The following SPATA31H1 variants were observed in gnomAD, a reference collection of about 807,000 sequenced individuals.
SPATA31H1 encodes SPATA31 subfamily H member 1.
chr2:27,571,929 G>A, the SPATA31H1 span: 3 of 398,474 alleles, frequency 7.5e-6, no homozygotes, highest in Non-Finnish European at 1.3e-5. Context: ...GGCACCTGTG[G>A]ATTTAACCCT....
the SPATA31H1 span, chr2:27,566,933 A>G: frequency 1.1e-5 from 8 of 717,442 alleles, no homozygotes; most frequent in Non-Finnish European, 2.6e-6. Context: ...TTTCTGAAGG[A>G]ACAACTTGGG....
At chr2:27,567,093 C>G in the SPATA31H1 span, 1 of 713,984 alleles carries the variant, frequency 1.4e-6, no homozygotes. Flanking sequence ...CTTACAACCT[C>G]AGAGCTCTTT....
chr2:27,565,069 G>T, the SPATA31H1 span, among the ~76,000 whole-genome samples: 1 of 151,994 alleles, frequency 6.6e-6, no homozygotes, highest in African/African-American at 2.4e-5. Flanking sequence ...TAAAAGTCTT[G>T]TGCTGATTCT....
chr2:27,571,136 G>GA, the SPATA31H1 span: 1 of 398,458 alleles, frequency 2.5e-6, no homozygotes, highest in Non-Finnish European at 4.4e-6. Context: ...TGGGAGATGT[G>GA]AAAACTATGC....
the SPATA31H1 span, chr2:27,573,914 T>C: frequency 2.5e-6 from 1 of 398,420 alleles, no homozygotes; most frequent in African/African-American, 2.1e-5. Context: ...AGACAGAACT[T>C]CCAGGTATGA....
chr2:27,541,705 TTCA>T, the SPATA31H1 span, among the ~76,000 whole-genome samples: 1 of 152,016 alleles, frequency 6.6e-6, no homozygotes, highest in South Asian at 2.1e-4. Flanking sequence ...TGTGGAGATA[TTCA>T]TCAAGCAGCT....
chr2:27,553,690 G>C, the SPATA31H1 span, among the ~76,000 whole-genome samples: 6 of 152,168 alleles, frequency 3.9e-5, no homozygotes, highest in Middle Eastern at 3.4e-3. Context: ...GGGAGGCTGA[G>C]GCAGGCAGAT....
chr2:27,553,507 G>C, the SPATA31H1 span, among the ~76,000 whole-genome samples: 1 of 152,060 alleles, frequency 6.6e-6, no homozygotes, highest in African/African-American at 2.4e-5. Context: ...AAAAGGGATA[G>C]GCTGAAAACT....
chr2:27,556,097 A>T, the SPATA31H1 span, among the ~76,000 whole-genome samples: 2 of 144,056 alleles, frequency 1.4e-5, no homozygotes, highest in African/African-American at 5.3e-5. Flanking sequence ...GCGCCACTGC[A>T]CTCCAGCATG....
the SPATA31H1 span, among the ~76,000 whole-genome samples, chr2:27,543,726 T>C: frequency 1.3e-5 from 2 of 151,852 alleles, no homozygotes; most frequent in Non-Finnish European, 2.9e-5. Flanking sequence ...AACCCCTCTC[T>C]ACCAGTCTCA....
the SPATA31H1 span, chr2:27,581,964 C>T: frequency 3.1e-6 from 5 of 1,613,818 alleles, no homozygotes; most frequent in South Asian, 5.5e-5. Flanking sequence ...TGAGAGAAGC[C>T]ATCACAGTCC....
At chr2:27,577,228 A>C in the SPATA31H1 span, 1 of 1,614,022 alleles carries the variant, frequency 6.2e-7, no homozygotes, top group Non-Finnish European at 8.5e-7. The surrounding 1 kb of genome is among the most constrained non-coding windows in gnomAD (Gnocchi z 4.5). Context: ...CAAGGCTCAA[A>C]ATTCTTAGGA....
the SPATA31H1 span, chr2:27,568,289 TACGGAA>T: frequency 5.0e-6 from 2 of 398,820 alleles, no homozygotes; most frequent in Non-Finnish European, 8.8e-6. Flanking sequence ...AACATGCAGT[TACGGAA>T]ACTGTGGAAA....
the SPATA31H1 span, chr2:27,565,279 T>TA: frequency 1.4e-6 from 1 of 707,124 alleles, no homozygotes. Context: ...GTGCTGTCAA[T>TA]AAAGTCTCTA....
At chr2:27,574,701 C>G in the SPATA31H1 span, 1 of 398,456 alleles carries the variant, frequency 2.5e-6, no homozygotes. Context: ...CCACCATGGT[C>G]TAAAGTTACA....
At chr2:27,578,122 C>T in the SPATA31H1 span, 1 of 1,614,104 alleles carries the variant, frequency 6.2e-7, no homozygotes. Context: ...AAAGTGACCC[C>T]TGGACCACCA....
the SPATA31H1 span, among the ~76,000 whole-genome samples, chr2:27,549,072 C>CAAAAA: frequency 5.1e-3 from 255 of 49,808 alleles, no homozygotes; most frequent in East Asian, 8.1e-3. Context: ...GACTCCGTCT[C>CAAAAA]AAAAAAAAAA....
At chr2:27,570,750 G>C in the SPATA31H1 span, 1 of 398,992 alleles carries the variant, frequency 2.5e-6, no homozygotes, top group East Asian at 3.6e-5. Context: ...GCCAGAGGGG[G>C]AAGGGGTTAA....
At chr2:27,578,462 T>C in the SPATA31H1 span, 1 of 1,614,066 alleles carries the variant, frequency 6.2e-7, no homozygotes, top group Non-Finnish European at 8.5e-7. Flanking sequence ...AAGCAATAAA[T>C]TGTGTGGATT....
Sources: allele counts gnomAD v4.1 joint callset (sites outside exome capture counted in the v4.1 genomes callset), GRCh38; gene constraint gnomAD v4.1.1; non-coding constraint Gnocchi (gnomAD v3.1); transcripts MANE v1.5; gene names NCBI Gene and HGNC (gene_info 2026-07-23, HGNC 2026-07-21).